The following CACNA1C variants were observed in gnomAD, a reference collection of about 807,000 sequenced individuals.
CACNA1C encodes voltage-dependent L-type calcium channel subunit alpha-1C.
Under a neutral mutation model 229.0 loss-of-function variants are expected in CACNA1C, and 30 were observed. That is an observed-to-expected ratio of 0.13 (90% CI 0.10 to 0.18). CACNA1C has a LOEUF of 0.18. Among genes scored for constraint, CACNA1C ranks in the 10% least tolerant of loss-of-function variants. CACNA1C has a pLI of 1.00. For missense variants in CACNA1C, 1,658 were observed against 2,845.0 expected, an observed-to-expected ratio of 0.58 and a Z score of 9.49; for synonymous variants, 1,114 against 1,132.5, an observed-to-expected ratio of 0.98 and a Z score of 0.33.
chr12:2,391,916 G>A (rs755849712), intron 3 of CACNA1C, among the ~76,000 whole-genome samples: 6 of 152,198 alleles, frequency 3.9e-5, no homozygotes, highest in South Asian at 2.1e-4. Context: ...CAGCTGCCAC[G>A]TGGCTGGTGG....
chr12:2,542,644 G>C (rs1487863620), intron 9 of CACNA1C, among the ~76,000 whole-genome samples: 1 of 152,198 alleles, frequency 6.6e-6, no homozygotes, highest in Non-Finnish European at 1.5e-5. Context: ...CCCTAGCACA[G>C]CTGGTGTGCT....
Position 2,214,662 on chromosome 12 carries a change from T to A in CACNA1C, c.477+94232T>A, listed in dbSNP as rs559896209. ...GGCCCTGTATGCCCTCAGTGACTTC[T>A]CCCTGCTCCGGGGAGGTGGGCCCGG... On this transcript the variant is annotated intron_variant, in intron 3 of 46. Transcript: ENST00000399655. Among the ~76,000 whole-genome samples the A allele has an allele frequency of 1.5e-3, 97 of 66,796 alleles. 1 individual carries two copies. Among genetic ancestry groups the A allele is most frequent in the Non-Finnish European group, 2.2e-3 (75 of 34,122 alleles). 43.8% of individuals were successfully genotyped at this position (66,796 alleles called of 152,430 possible).
chr12:2,541,913 CTCAG>C (rs2099871385), intron 9 of CACNA1C, among the ~76,000 whole-genome samples: 1 of 152,146 alleles, frequency 6.6e-6, no homozygotes, highest in African/African-American at 2.4e-5. Context: ...TCTGGTGCCA[CTCAG>C]TCAGTCATGA....
intron 19 of CACNA1C, 98 bp downstream of exon 19, chr12:2,593,443 C>A: frequency 8.1e-7 from 1 of 1,236,710 alleles, no homozygotes; most frequent in Non-Finnish European, 1.1e-6. Context: ...GAGACTGAGA[C>A]TCTCCCAGCT....
intron 10 of CACNA1C, among the ~76,000 whole-genome samples, chr12:2,555,494 C>T (rs2043651442): frequency 6.6e-6 from 1 of 152,248 alleles, no homozygotes; most frequent in Admixed American, 6.5e-5. Flanking sequence ...AGGTCTGGGG[C>T]TCAGCATGGC....
rs1348910244 is a variant in CACNA1C at position 2,544,163 on chromosome 12, A to G, written c.1391-5780A>G. Among the ~76,000 whole-genome samples the G allele has an allele frequency of 6.6e-5, 10 of 151,862 alleles. No individual in the cohort carries two copies. In the South Asian group the frequency reaches 2.1e-3, roughly 32 times the overall value. On this transcript the variant is annotated intron_variant, in intron 9 of 46. Transcript: ENST00000399655. ...TCTGAGAAGTGAAAAAAAAAAAAAA[A>G]CCTGCCGGTTATGAAGTTTCTGTTC...
At chr12:2,589,151 G>T (rs1319280503) in intron 18 of CACNA1C, among the ~76,000 whole-genome samples, 1 of 152,220 alleles carries the variant, frequency 6.6e-6, no homozygotes, top group Non-Finnish European at 1.5e-5. Context: ...GCCAGGCACT[G>T]TGCTAGGTAC....
At chr12:2,033,549 C>T (rs375747584) in intron 1 of CACNA1C, among the ~76,000 whole-genome samples, 49 of 152,142 alleles carry the variant, frequency 3.2e-4, no homozygotes, top group African/African-American at 1.1e-3. Flanking sequence ...GGCTTGGGGG[C>T]ATTGTGTTCA....
At chr12:2,160,672 C>T (rs2095810106) in intron 3 of CACNA1C, among the ~76,000 whole-genome samples, 1 of 152,150 alleles carries the variant, frequency 6.6e-6, no homozygotes, top group Non-Finnish European at 1.5e-5. Context: ...ATAATGGTGG[C>T]CAGAGAGCAC....
chr12:2,028,162 T>G (rs4765879), intron 1 of CACNA1C, among the ~76,000 whole-genome samples: 15,469 of 152,236 alleles, frequency 0.1, 1,603 homozygotes, highest in East Asian at 0.56. Context: ...AGGTTTTATT[T>G]TCAAAAGAAA....
chr12:2,517,170 G>T (rs2154580168), intron 9 of CACNA1C, among the ~76,000 whole-genome samples: 1 of 152,348 alleles, frequency 6.6e-6, no homozygotes, highest in African/African-American at 2.4e-5. Context: ...TGGGGAGAAA[G>T]CTTCCTGGCA....
intron 1 of CACNA1C, chr12:1,993,195 A>G (rs766350401): frequency 1.9e-6 from 3 of 1,606,344 alleles, no homozygotes; most frequent in Non-Finnish European, 2.6e-6. Context: ...AATGGCAAAC[A>G]CTGTACAATT....
At chr12:2,230,271 T>A (rs1370365249) in intron 3 of CACNA1C, among the ~76,000 whole-genome samples, 1 of 152,070 alleles carries the variant, frequency 6.6e-6, no homozygotes, top group Non-Finnish European at 1.5e-5. Flanking sequence ...GCCATGGGTG[T>A]ACGTGGGGAC....
intron 1 of CACNA1C, chr12:1,992,944 A>G: frequency 1.7e-6 from 1 of 592,718 alleles, no homozygotes; most frequent in South Asian, 2.1e-5. Flanking sequence ...GTGTCTCTGC[A>G]GTCTCCTCAC....
intron 3 of CACNA1C, among the ~76,000 whole-genome samples, chr12:2,426,894 G>A (rs2099037536): frequency 6.6e-6 from 1 of 152,234 alleles, no homozygotes. Flanking sequence ...AGGAGAAGCT[G>A]CAAGGCTTCA....
At chr12:2,610,748 C>G in intron 28 of CACNA1C, 49 bp downstream of exon 28, 1 of 1,596,882 alleles carries the variant, frequency 6.3e-7, no homozygotes, top group Non-Finnish European at 8.6e-7. Context: ...GGGAGTGTGC[C>G]ATGGGGATGG....
At chr12:2,161,632 G>GT (rs1278287122) in intron 3 of CACNA1C, among the ~76,000 whole-genome samples, 1 of 152,228 alleles carries the variant, frequency 6.6e-6, no homozygotes, top group African/African-American at 2.4e-5. Context: ...TTCTTGCTTT[G>GT]TAAGAGTCAC....
At chr12:2,631,412 T>A (rs574059407) in intron 29 of CACNA1C, among the ~76,000 whole-genome samples, 38 of 152,294 alleles carry the variant, frequency 2.5e-4, no homozygotes, top group African/African-American at 8.7e-4. Context: ...CTGAAATAGC[T>A]CTACCCCACA....
chr12:2,100,168 G>A (rs758170418), intron 1 of CACNA1C, among the ~76,000 whole-genome samples: 4 of 151,756 alleles, frequency 2.6e-5, no homozygotes, highest in South Asian at 2.1e-4. Context: ...GATGGGGGCC[G>A]GGTGCAGTGG....
Sources: gnomAD v4.1 joint callset for allele counts (sites outside exome capture counted in the v4.1 genomes callset) on GRCh38, gnomAD v4.1.1 for gene constraint, MANE v1.5 for transcripts, NCBI Gene and HGNC (gene_info 2026-07-23, HGNC 2026-07-21) for gene names.